The following ARFGAP3 variants were observed in gnomAD, a reference collection of about 807,000 sequenced individuals.
ARFGAP3 encodes the protein ARF GTPase activating protein 3.
Under a neutral mutation model 75.0 loss-of-function variants are expected in ARFGAP3, and 72 were observed. That is an observed-to-expected ratio of 0.96 (90% CI 0.79 to 1.17). The LOEUF (loss-of-function observed/expected upper bound fraction) is 1.17, where lower values mean the gene tolerates loss of function less well. ARFGAP3 is among the 50% of genes most tolerant of loss of function. The probability of loss-of-function intolerance (pLI) is 0.00; values close to 1 mark genes in which losing one functional copy is unlikely to be tolerated. For missense variants in ARFGAP3, 620 were observed against 626.6 expected (o/e 0.99, Z 0.11); for synonymous variants, 221 against 217.9 (o/e 1.01, Z -0.13).
chr22:42,826,316 C>G (rs1033207880), intron 7 of ARFGAP3, among the ~76,000 whole-genome samples: 2 of 151,512 alleles, frequency 1.3e-5, no homozygotes, highest in African/African-American at 4.9e-5. Context: ...GTAAGGTGAG[C>G]CAGCCCAACA....
chr22:42,804,631 C>T (rs543559983), intron 14 of ARFGAP3, among the ~76,000 whole-genome samples: 6 of 152,224 alleles, frequency 3.9e-5, no homozygotes, highest in Non-Finnish European at 5.9e-5. Context: ...CCACCCGCCT[C>T]GGCCTCCCAA....
At chr22:42,817,684 A>G (rs1252090995) in intron 10 of ARFGAP3, 45 bp downstream of exon 10, 2 of 1,467,358 alleles carry the variant, frequency 1.4e-6, no homozygotes, top group Admixed American at 3.6e-5. Context: ...CTGATGATTG[A>G]CACACTGTTT....
intron 14 of ARFGAP3, among the ~76,000 whole-genome samples, chr22:42,802,734 T>C (rs188857420): frequency 4.0e-4 from 60 of 151,512 alleles, no homozygotes; most frequent in African/African-American, 1.4e-3. Context: ...CCCGAGTTGC[T>C]GGGACTACAG....
chr22:42,800,586 G>C (rs1435244856), intron 14 of ARFGAP3, among the ~76,000 whole-genome samples: 1 of 152,122 alleles, frequency 6.6e-6, no homozygotes, highest in Non-Finnish European at 1.5e-5. Context: ...AAACAGAACT[G>C]ACAAGTTACC....
intron 1 of ARFGAP3, among the ~76,000 whole-genome samples, chr22:42,850,062 C>T (rs1359482706): frequency 6.6e-6 from 1 of 152,068 alleles, no homozygotes; most frequent in Non-Finnish European, 1.5e-5. Context: ...ATTACTAGCC[C>T]CTTCAACACT....
chr22:42,802,730 T>C (rs969659607), intron 14 of ARFGAP3, among the ~76,000 whole-genome samples: 5 of 150,228 alleles, frequency 3.3e-5, no homozygotes, highest in Admixed American at 1.3e-4. Flanking sequence ...GCCTCCCGAG[T>C]TGCTGGGACT....
chr22:42,819,441 A>G (rs1023264385), intron 9 of ARFGAP3, among the ~76,000 whole-genome samples: 1 of 152,226 alleles, frequency 6.6e-6, no homozygotes, highest in African/African-American at 2.4e-5. Context: ...GTCACTCACT[A>G]AAAGCATGCA....
At chr22:42,821,271 T>A (rs1238859611) in intron 9 of ARFGAP3, among the ~76,000 whole-genome samples, 1 of 152,214 alleles carries the variant, frequency 6.6e-6, no homozygotes. Flanking sequence ...CCTGTTAAAG[T>A]GCATGATTCA....
intron 1 of ARFGAP3, among the ~76,000 whole-genome samples, chr22:42,849,249 C>T (rs1927159906): frequency 6.6e-6 from 1 of 152,204 alleles, no homozygotes; most frequent in African/African-American, 2.4e-5. Flanking sequence ...TTTTATGATG[C>T]CAAGTTGGGG....
rs560809114 is a variant in ARFGAP3, at chr22:42,808,699, G to A, written c.1320+68C>T. 1.9e-4 allele frequency: 259 copies of A among 1,352,564 alleles called. No homozygotes were observed. In the African/African-American group the frequency reaches 3.2e-3, roughly 16 times the overall value. The allele number at this position is 1,352,564 out of a possible 1,614,324, so 83.8% of individuals were successfully genotyped here. A position where few individuals can be genotyped will look rare whatever the true frequency, so the allele number is the denominator to read the frequency against. ...CCAGCTCACTCAGGATCTCCTCCCC[G>A]ACAATGCCCACACCCACACTTCCTT... On this transcript the variant is annotated intron_variant, in intron 13 of 15. Transcript: ENST00000263245.
intron 13 of ARFGAP3, among the ~76,000 whole-genome samples, chr22:42,808,005 A>G (rs934374687): frequency 1.9e-4 from 29 of 151,600 alleles, no homozygotes; most frequent in African/African-American, 6.8e-4. Context: ...TCAGCCTCCC[A>G]AAGTGCTAGG....
chr22:42,831,491 T>C (rs1926285035), intron 6 of ARFGAP3, 58 bp downstream of exon 6: 1 of 1,552,902 alleles, frequency 6.4e-7, no homozygotes, highest in African/African-American at 1.4e-5. Flanking sequence ...TTTTAATAGT[T>C]TCATAGCATG....
chr22:42,842,900 A>G (rs1276341377), intron 2 of ARFGAP3, among the ~76,000 whole-genome samples: 1 of 152,058 alleles, frequency 6.6e-6, no homozygotes, highest in Non-Finnish European at 1.5e-5. Context: ...CCTGGTCATC[A>G]TCAACATGTT....
chr22:42,856,023 G>A (rs1569180954), intron 1 of ARFGAP3, among the ~76,000 whole-genome samples: 1 of 152,056 alleles, frequency 6.6e-6, no homozygotes, highest in Non-Finnish European at 1.5e-5. Flanking sequence ...CCTGGGTGAC[G>A]GGGTGAGACC....
chr22:42,833,448 T>C (rs555657169), intron 5 of ARFGAP3, among the ~76,000 whole-genome samples: 43 of 152,270 alleles, frequency 2.8e-4, no homozygotes, highest in African/African-American at 8.2e-4. Flanking sequence ...CTCCAGACTT[T>C]TTCTGTAAAA....
intron 6 of ARFGAP3, 107 bp downstream of exon 6, chr22:42,831,442 G>T (rs1216135526): frequency 1.7e-6 from 2 of 1,175,940 alleles, no homozygotes; most frequent in Non-Finnish European, 2.4e-6. Flanking sequence ...AAAGTGCTGG[G>T]ATTACAGGCA....
intron 1 of ARFGAP3, 102 bp downstream of exon 1, chr22:42,857,012 C>G: frequency 2.4e-6 from 3 of 1,255,700 alleles, no homozygotes; most frequent in Non-Finnish European, 3.1e-6. Context: ...TCACAGGCCG[C>G]GCCGGCCCCG....
intron 1 of ARFGAP3, among the ~76,000 whole-genome samples, chr22:42,850,302 T>C (rs2146589204): frequency 6.6e-6 from 1 of 152,206 alleles, no homozygotes; most frequent in African/African-American, 2.4e-5. Flanking sequence ...CTGGGTGCAG[T>C]GGCTCACACC....
intron 9 of ARFGAP3, among the ~76,000 whole-genome samples, chr22:42,819,947 T>G (rs1268797672): frequency 6.6e-6 from 1 of 152,166 alleles, no homozygotes; most frequent in Non-Finnish European, 1.5e-5. Context: ...TCATAAATCT[T>G]CCGATCTGCA....
Sources: allele counts gnomAD v4.1 joint callset (sites outside exome capture counted in the v4.1 genomes callset), GRCh38; gene constraint gnomAD v4.1.1; transcripts MANE v1.5; gene names NCBI Gene and HGNC (gene_info 2026-07-23, HGNC 2026-07-21).